TRHDE: variants seen among roughly 807,000 people sequenced by gnomAD.
TRHDE encodes the protein thyrotropin releasing hormone degrading enzyme, also known as thyrotropin-releasing hormone-degrading ectoenzyme.
Under a neutral mutation model 125.7 loss-of-function variants are expected in TRHDE, and 72 were observed. The ratio of observed to expected loss-of-function variants is 0.57; its 90% CI spans 0.47 to 0.70. TRHDE has a LOEUF of 0.70. Among genes scored for constraint, TRHDE ranks in the 30% least tolerant of loss-of-function variants. TRHDE has a pLI of 0.00. For synonymous variants in TRHDE, 509 were observed against 509.1 expected (o/e 1.00, Z 0.00); for missense variants, 1,110 against 1,327.1 (o/e 0.84, Z 2.54).
At chr12:72,184,490 C>A (rs184320455) in intron 2 of TRHDE, among the ~76,000 whole-genome samples, 1 of 152,218 alleles carries the variant, frequency 6.6e-6, no homozygotes, top group East Asian at 1.9e-4. Flanking sequence ...CAGAACTAAT[C>A]AAGAAGAAGA....
chr12:72,657,197 C>T (rs980090947), intron 18 of TRHDE, among the ~76,000 whole-genome samples, 189 bp downstream of exon 18: 42 of 152,000 alleles, frequency 2.8e-4, no homozygotes, highest in Admixed American at 2.4e-3. Context: ...ACATGTCAAA[C>T]ATTGAAGGCC....
chr12:72,181,300 C>T (rs560716792), intron 2 of TRHDE, among the ~76,000 whole-genome samples: 3 of 152,214 alleles, frequency 2.0e-5, no homozygotes, highest in South Asian at 2.1e-4. Flanking sequence ...GCATCAACAA[C>T]GATCCTCTAC....
intron 15 of TRHDE, among the ~76,000 whole-genome samples, chr12:72,629,306 A>C (rs1373947671): frequency 6.6e-6 from 1 of 151,680 alleles, no homozygotes; most frequent in Non-Finnish European, 1.5e-5. Context: ...AAAGTATCTT[A>C]ATTTTTACAT....
intron 2 of TRHDE, among the ~76,000 whole-genome samples, chr12:72,300,929 CG>C (rs1868252784): frequency 6.6e-6 from 1 of 152,014 alleles, no homozygotes; most frequent in Non-Finnish European, 1.5e-5. Flanking sequence ...TAGCCCTGTG[CG>C]GTTATTTCTG....
At chr12:72,092,851 G>A (rs970453710) in intron 1 of TRHDE, among the ~76,000 whole-genome samples, 4 of 152,142 alleles carry the variant, frequency 2.6e-5, no homozygotes, top group African/African-American at 7.2e-5. Context: ...CAACTTACAT[G>A]TATTATCAGT....
chr12:72,195,193 C>A (rs1219582045), intron 2 of TRHDE, among the ~76,000 whole-genome samples: 1 of 152,088 alleles, frequency 6.6e-6, no homozygotes, highest in African/African-American at 2.4e-5. Flanking sequence ...AATTACATCC[C>A]ACTGAGTCCA....
At chr12:72,254,597 G>T (rs1353712860) in intron 2 of TRHDE, 1 of 152,014 alleles carries the variant, frequency 6.6e-6, no homozygotes, top group African/African-American at 2.4e-5. Flanking sequence ...TCTTCACTCA[G>T]CTGATTTTTG....
At chr12:72,305,414 T>C (rs1239319041) in intron 2 of TRHDE, among the ~76,000 whole-genome samples, 1 of 152,232 alleles carries the variant, frequency 6.6e-6, no homozygotes, top group East Asian at 1.9e-4. Context: ...TTGCTCATGG[T>C]ATGACTTCTG....
At chr12:72,148,973 T>A (rs1026051213) in intron 2 of TRHDE, among the ~76,000 whole-genome samples, 7 of 152,188 alleles carry the variant, frequency 4.6e-5, no homozygotes, top group Non-Finnish European at 8.8e-5. Flanking sequence ...TTCACAAGAA[T>A]GGCTTCACTC....
chr12:72,183,691 GAGTCT>G (rs1014157405), intron 2 of TRHDE, among the ~76,000 whole-genome samples: 6 of 152,080 alleles, frequency 3.9e-5, no homozygotes, highest in African/African-American at 1.4e-4. Flanking sequence ...GCAGAGTTTG[GAGTCT>G]AGTCTAAGTT....
At chr12:72,153,502 A>G (rs922707713) in intron 2 of TRHDE, among the ~76,000 whole-genome samples, 12 of 152,156 alleles carry the variant, frequency 7.9e-5, no homozygotes, top group African/African-American at 2.9e-4. Flanking sequence ...TGTCAATTTT[A>G]GATCTTTCCT....
At chr12:72,619,803 A>G (rs1429746955) in intron 13 of TRHDE, among the ~76,000 whole-genome samples, 3 of 152,132 alleles carry the variant, frequency 2.0e-5, no homozygotes. Context: ...TGTGTTTTAT[A>G]AAATTATCTT....
intron 15 of TRHDE, among the ~76,000 whole-genome samples, chr12:72,628,944 A>C (rs576522521): frequency 6.6e-6 from 1 of 151,842 alleles, no homozygotes; most frequent in Admixed American, 6.6e-5. Context: ...AATTTAATAC[A>C]TGCCAACTCA....
intron 12 of TRHDE, among the ~76,000 whole-genome samples, chr12:72,578,323 T>A (rs965149801): frequency 6.6e-6 from 1 of 151,954 alleles, no homozygotes; most frequent in Non-Finnish European, 1.5e-5. Context: ...GGAGCAGGGG[T>A]GGAGGAAGTA....
At chr12:72,436,603 A>T (rs1874757222) in intron 3 of TRHDE, among the ~76,000 whole-genome samples, 1 of 151,926 alleles carries the variant, frequency 6.6e-6, no homozygotes, top group Non-Finnish European at 1.5e-5. Context: ...GTGATAAGAC[A>T]TGGCCTGGGA....
Position 72,621,232 on chromosome 12 carries a change from C to A in TRHDE, c.2567+27C>A, listed in dbSNP as rs182929650. 28 of 1,437,344 alleles carry A rather than the reference C, an allele frequency of 1.9e-5. No individual in the cohort carries two copies. In the East Asian group the frequency reaches 5.7e-4, roughly 29 times the overall value. The allele number at this position is 1,437,344 out of a possible 1,614,324, so 89.0% of individuals were successfully genotyped here. On this transcript the variant is annotated intron_variant, in intron 14 of 18. Coordinates refer to ENST00000261180, the MANE Select transcript of TRHDE (RefSeq NM_013381.3). ...TACTGTTTTATTTTCTTATCCTCTT[C>A]TTTACCCCTAGAGCTGTATAATAAT...
intron 12 of TRHDE, among the ~76,000 whole-genome samples, chr12:72,600,669 G>T (rs1318341382): frequency 6.6e-6 from 1 of 151,910 alleles, no homozygotes; most frequent in East Asian, 1.9e-4. Context: ...TGAAGCTAAT[G>T]CTCATTTACC....
chr12:72,390,684 A>G (rs901095301), intron 3 of TRHDE, among the ~76,000 whole-genome samples: 4 of 152,160 alleles, frequency 2.6e-5, no homozygotes, highest in Non-Finnish European at 5.9e-5. Context: ...TTCAGACCTT[A>G]CCATTGTAAA....
chr12:72,475,360 G>A (rs570030578), intron 5 of TRHDE, among the ~76,000 whole-genome samples: 1 of 152,146 alleles, frequency 6.6e-6, no homozygotes, highest in South Asian at 2.1e-4. Context: ...GTTATGCATA[G>A]GTGTTGCTTT....
Sources: allele counts gnomAD v4.1 joint callset (sites outside exome capture counted in the v4.1 genomes callset), GRCh38; gene constraint gnomAD v4.1.1; transcripts MANE v1.5; gene names NCBI Gene and HGNC (gene_info 2026-07-23, HGNC 2026-07-21).